The following FSD1 variants were observed in gnomAD, a reference collection of about 807,000 sequenced individuals.
FSD1 encodes fibronectin type III and SPRY domain containing 1, also known as fibronectin type III and SPRY domain-containing protein 1.
Under a neutral mutation model 58.2 loss-of-function variants are expected in FSD1, and 23 were observed. The ratio of observed to expected loss-of-function variants is 0.40; its 90% CI spans 0.28 to 0.56. The LOEUF (loss-of-function observed/expected upper bound fraction) is 0.56. FSD1 is among the 20% of genes least tolerant of loss of function. The probability of loss-of-function intolerance (pLI) is 0.54; values close to 1 mark genes in which losing one functional copy is unlikely to be tolerated. For missense variants in FSD1, 563 were observed against 670.8 expected (o/e 0.84, Z 1.78); for synonymous variants, 265 against 263.4 (o/e 1.01, Z -0.06).
At chr19:4,312,115 C>A in intron 7 of FSD1, 64 bp downstream of exon 7, 1 of 1,381,700 alleles carries the variant, frequency 7.2e-7, no homozygotes, top group Non-Finnish European at 9.9e-7. Flanking sequence ...CCTCCCGTCT[C>A]GCCATCAGTC....
At chr19:4,304,925 CCA>C (rs1192638337) in intron 1 of FSD1, among the ~76,000 whole-genome samples, 164 bp downstream of exon 1, 1 of 146,628 alleles carries the variant, frequency 6.8e-6, no homozygotes, top group Admixed American at 6.7e-5. Flanking sequence ...CCCCCCTACC[CCA>C]GTTTGGGACG....
rs1971594793 is a variant in FSD1 at position 4,304,642 on chromosome 19, G to A, written c.-105G>A. The A allele has an allele frequency of 1.5e-6, 1 of 647,816 alleles. No homozygotes were observed. Among genetic ancestry groups the A allele is most frequent in the Non-Finnish European group, 2.2e-6 (1 of 457,458 alleles). The allele number at this position is 647,816 out of a possible 1,614,324, so 40.1% of individuals were successfully genotyped here. ...AGCGCTAACCGGGGGCGCGGCGGCG[G>A]CGAGGGCTCGGCGGGCCATTGGCTA... On this transcript the variant is annotated 5_prime_UTR_variant, in exon 1 of 13. Transcript: ENST00000221856.
intron 3 of FSD1, 108 bp downstream of exon 3, chr19:4,306,437 C>A: frequency 2.8e-6 from 3 of 1,052,908 alleles, no homozygotes; most frequent in Non-Finnish European, 2.8e-6. Context: ...TTTCTGATCT[C>A]TCCCCTGACC....
Position 4,304,706 on chromosome 19 carries a change from C to A in FSD1, c.-41C>A. Reference sequence around the variant, plus strand: ...AGGCAGCTTGGGGACCCAGCGTGCGCGGGGCCCGCGGGCCGGGCCGGGGTG... The same window carrying A: ...AGGCAGCTTGGGGACCCAGCGTGCGAGGGGCCCGCGGGCCGGGCCGGGGTG... On this transcript the variant is annotated 5_prime_UTR_variant, in exon 1 of 13. Transcript: ENST00000221856. 1 of 978,448 alleles carries A rather than the reference C, an allele frequency of 1.0e-6. No homozygotes were observed. The highest frequency in any genetic ancestry group is 1.9e-5 in the African/African-American group (1 of 51,912). 60.6% of individuals were successfully genotyped at this position (978,448 alleles called of 1,614,324 possible). A position where few individuals can be genotyped will look rare whatever the true frequency, so the allele number is the denominator to read the frequency against.
At chr19:4,312,877 G>A (rs1971710264) in intron 7 of FSD1, among the ~76,000 whole-genome samples, 2 of 151,674 alleles carry the variant, frequency 1.3e-5, no homozygotes, top group Admixed American at 1.3e-4. Flanking sequence ...ATGGGATCCT[G>A]CCATTTCCCT....
At chr19:4,313,544 C>G (rs1224597193) in intron 7 of FSD1, among the ~76,000 whole-genome samples, 1 of 151,370 alleles carries the variant, frequency 6.6e-6, no homozygotes, top group Non-Finnish European at 1.5e-5. Context: ...ATGGTGAAAC[C>G]CTGTCTCTAC....
At chr19:4,308,340 A>G (rs919272618) in intron 4 of FSD1, among the ~76,000 whole-genome samples, 2 of 152,062 alleles carry the variant, frequency 1.3e-5, no homozygotes, top group Non-Finnish European at 2.9e-5. Flanking sequence ...CCTGGGAGGC[A>G]GAGGTTGCCG....
intron 3 of FSD1, among the ~76,000 whole-genome samples, chr19:4,307,495 G>T (rs1971635348): frequency 6.6e-6 from 1 of 152,090 alleles, no homozygotes. Context: ...AGCCTCCCGA[G>T]TAGCTGGGAT....
At chr19:4,308,129 G>A in intron 4 of FSD1, 146 bp downstream of exon 4, 1 of 640,794 alleles carries the variant, frequency 1.6e-6, no homozygotes. Flanking sequence ...AAGTGTCCAG[G>A]CCGGGCACAG....
At chr19:4,305,911 T>C (rs1971615163) in intron 1 of FSD1, 35 bp from the exon 2 acceptor site, 4 of 1,462,522 alleles carry the variant, frequency 2.7e-6, no homozygotes, top group Middle Eastern at 1.7e-4. Context: ...CATGTGTGTG[T>C]GCACCTGTGT....
chr19:4,313,958 G>A (rs1057081209), intron 7 of FSD1, among the ~76,000 whole-genome samples: 4 of 151,794 alleles, frequency 2.6e-5, no homozygotes, highest in Non-Finnish European at 5.9e-5. Context: ...AGCCTGGGAG[G>A]CGGAGGCTGC....
Position 4,323,255 on chromosome 19 carries a change from C to T in FSD1, c.1291+18C>T. On this transcript the variant is annotated intron_variant, in intron 11 of 12. Transcript: ENST00000221856. This position sits in a 1 kb window ranked among gnomAD's most constrained non-coding sequence, Gnocchi z 7.7. ...CCACCAAGGTGACCCCAAGCCCCAG[C>T]TGCCGTCTCTGGCTGCCCCTGCCTG... is the stretch of plus-strand genomic sequence containing the variant. 6.2e-7 allele frequency: 1 copy of T among 1,605,644 alleles called. No homozygotes were observed. Among genetic ancestry groups the T allele is most frequent in the South Asian group, 1.1e-5 (1 of 91,054 alleles).
intron 7 of FSD1, among the ~76,000 whole-genome samples, chr19:4,312,600 G>A (rs1248498927): frequency 4.0e-5 from 6 of 151,746 alleles, no homozygotes; most frequent in South Asian, 2.1e-4. Flanking sequence ...TCAGGAGATC[G>A]AGACCATCCT....
At chr19:4,322,520 G>T (rs866506957) in intron 10 of FSD1, among the ~76,000 whole-genome samples, 7 of 150,848 alleles carry the variant, frequency 4.6e-5, no homozygotes, top group Middle Eastern at 3.3e-3. Context: ...GAACCGAGGA[G>T]TATCTGGAGG....
chr19:4,311,417 C>T (rs1971689789), intron 6 of FSD1: 1 of 182,870 alleles, frequency 5.5e-6, no homozygotes, highest in Non-Finnish European at 1.2e-5. Flanking sequence ...CGCGGTGACT[C>T]ACGCCTGGAA....
At chr19:4,307,830 G>A in intron 3 of FSD1, 52 bp from the exon 4 acceptor site, 1 of 1,374,540 alleles carries the variant, frequency 7.3e-7, no homozygotes, top group South Asian at 1.2e-5. Flanking sequence ...CCCTCAGGGG[G>A]CCTGAGGCAG....
At chr19:4,318,716 A>G (rs1971782219) in intron 9 of FSD1, among the ~76,000 whole-genome samples, 156 bp from the exon 10 acceptor site, 1 of 152,198 alleles carries the variant, frequency 6.6e-6, no homozygotes, top group Non-Finnish European at 1.5e-5. Flanking sequence ...ATGTTCTGAC[A>G]TAAACATGAG....
At chr19:4,318,614 G>C in intron 9 of FSD1, 109 bp downstream of exon 9, 1 of 1,023,134 alleles carries the variant, frequency 9.8e-7, no homozygotes. Flanking sequence ...CCTGGGGCTG[G>C]TGGAACCCAG....
chr19:4,310,770 C>G, intron 6 of FSD1, 174 bp downstream of exon 6: 1 of 672,936 alleles, frequency 1.5e-6, no homozygotes, highest in Non-Finnish European at 2.4e-6. Flanking sequence ...TCATGGAGCC[C>G]CGCCCCTGGG....
Sources: gnomAD v4.1 joint callset for allele counts (sites outside exome capture counted in the v4.1 genomes callset) on GRCh38, gnomAD v4.1.1 for gene constraint, Gnocchi (gnomAD v3.1) non-coding constraint, MANE v1.5 for transcripts, NCBI Gene and HGNC (gene_info 2026-07-23, HGNC 2026-07-21) for gene names.